The following KIAA1217 variants were observed in gnomAD, a reference collection of about 807,000 sequenced individuals.
KIAA1217 encodes the protein sickle tail protein homolog.
KIAA1217 carries 88 observed loss-of-function variants against 163.9 expected under a neutral mutation model. That is an observed-to-expected ratio of 0.54 (90% confidence interval 0.45 to 0.64). The LOEUF (loss-of-function observed/expected upper bound fraction) is 0.64, where lower values mean the gene tolerates loss of function less well. Among genes scored for constraint, KIAA1217 ranks in the 30% least tolerant of loss-of-function variants. KIAA1217 has a pLI of 0.00. For missense variants in KIAA1217, 2,372 were observed against 2,475.0 expected, an observed-to-expected ratio of 0.96 and a Z score of 0.88; for synonymous variants, 903 against 923.1, an observed-to-expected ratio of 0.98 and a Z score of 0.39.
At chr10:23,798,990 C>T (rs1024212033) in intron 1 of KIAA1217, among the ~76,000 whole-genome samples, 7 of 152,168 alleles carry the variant, frequency 4.6e-5, no homozygotes, top group Admixed American at 3.9e-4. Flanking sequence ...TCAGCAGGGC[C>T]GGTTCCCTCT....
intron 2 of KIAA1217, among the ~76,000 whole-genome samples, chr10:24,291,606 G>C (rs1050742919): frequency 6.6e-6 from 1 of 152,158 alleles, no homozygotes; most frequent in East Asian, 1.9e-4. Flanking sequence ...ACACTTGTAA[G>C]GCAGTCTGTG....
At chr10:24,246,572 G>A (rs2073829813) in intron 2 of KIAA1217, among the ~76,000 whole-genome samples, 1 of 152,236 alleles carries the variant, frequency 6.6e-6, no homozygotes, top group Admixed American at 6.5e-5. Flanking sequence ...TGACATGTGG[G>A]TAGGAACACA....
chr10:24,197,257 T>C (rs985724878), intron 2 of KIAA1217, among the ~76,000 whole-genome samples: 1 of 152,246 alleles, frequency 6.6e-6, no homozygotes, highest in Non-Finnish European at 1.5e-5. Context: ...CAACTATTTA[T>C]AATTCGGCAC....
chr10:24,415,949 C>T (rs1265657158), intron 3 of KIAA1217, among the ~76,000 whole-genome samples: 1 of 152,058 alleles, frequency 6.6e-6, no homozygotes, highest in East Asian at 1.9e-4. Context: ...GCAGGGAGAC[C>T]CAGGGAGGGG....
chr10:23,811,154 G>GTATACATGTATACTATACATATATAC (rs1274392469), intron 1 of KIAA1217, among the ~76,000 whole-genome samples: 1 of 137,240 alleles, frequency 7.3e-6, no homozygotes, highest in Non-Finnish European at 1.5e-5. Flanking sequence ...TATGTATATA[G>GTATACATGTATACTATACATATATAC]TATACATGTA....
At chr10:24,520,627 CAAAAAAA>C (rs71472812) in intron 11 of KIAA1217, among the ~76,000 whole-genome samples, 35 of 44,932 alleles carry the variant, frequency 7.8e-4, no homozygotes, top group African/African-American at 2.1e-3. Flanking sequence ...ACATCTCTAC[CAAAAAAA>C]AAAAAAAAAA....
intron 2 of KIAA1217, among the ~76,000 whole-genome samples, chr10:24,186,886 T>C (rs761156456): frequency 2.2e-4 from 34 of 152,004 alleles, no homozygotes; most frequent in Non-Finnish European, 3.5e-4. Context: ...TGAGACTCCG[T>C]CTAAAAAAAA....
chr10:23,851,927 G>A (rs1201289768), intron 1 of KIAA1217, among the ~76,000 whole-genome samples: 3 of 152,016 alleles, frequency 2.0e-5, no homozygotes, highest in South Asian at 4.1e-4. Context: ...TTTGTCAGAT[G>A]AGCAGGTTGT....
intron 2 of KIAA1217, among the ~76,000 whole-genome samples, chr10:24,160,436 A>G (rs2065069577): frequency 6.6e-6 from 1 of 152,164 alleles, no homozygotes; most frequent in East Asian, 1.9e-4. Flanking sequence ...TATAGTACAC[A>G]TCTTTTGTGA....
intron 1 of KIAA1217, among the ~76,000 whole-genome samples, chr10:23,731,712 T>G (rs983155590): frequency 6.6e-6 from 1 of 151,026 alleles, no homozygotes; most frequent in African/African-American, 2.5e-5. Context: ...TTTCTCACCA[T>G]TAAGTATAAG....
chr10:23,836,609 T>C (rs761398825), intron 1 of KIAA1217, among the ~76,000 whole-genome samples: 2 of 151,916 alleles, frequency 1.3e-5, no homozygotes, highest in Non-Finnish European at 2.9e-5. Context: ...TCTTGGTTTT[T>C]AGTGTATCCA....
At chr10:24,429,011 T>C (rs1396291714) in intron 3 of KIAA1217, among the ~76,000 whole-genome samples, 1 of 152,002 alleles carries the variant, frequency 6.6e-6, no homozygotes, top group Non-Finnish European at 1.5e-5. Flanking sequence ...GAGTAAGAAA[T>C]AGTATGGAGA....
At chr10:24,107,175 G>A (rs531055253) in intron 2 of KIAA1217, among the ~76,000 whole-genome samples, 1 of 152,280 alleles carries the variant, frequency 6.6e-6, no homozygotes, top group South Asian at 2.1e-4. Context: ...TTAGGATAAT[G>A]GCCTCTAGCT....
chr10:23,949,582 T>C (rs914915582), intron 1 of KIAA1217, among the ~76,000 whole-genome samples: 4 of 143,866 alleles, frequency 2.8e-5, no homozygotes, highest in African/African-American at 1.2e-4. Flanking sequence ...GACAGGAACA[T>C]TTTTTTCTTT....
intron 16 of KIAA1217, among the ~76,000 whole-genome samples, 160 bp downstream of exon 16, chr10:24,533,397 C>T (rs560872499): frequency 2.0e-5 from 3 of 152,308 alleles, no homozygotes; most frequent in South Asian, 2.1e-4. Flanking sequence ...CCCAAGATGG[C>T]GCTGAACAAG....
intron 2 of KIAA1217, among the ~76,000 whole-genome samples, chr10:24,059,440 T>G (rs1347143339): frequency 1.3e-5 from 2 of 152,190 alleles, no homozygotes; most frequent in African/African-American, 4.8e-5. Context: ...TGGAAGTGTT[T>G]GAGGGGGTTA....
At chr10:23,976,000 C>T (rs945557404) in intron 1 of KIAA1217, among the ~76,000 whole-genome samples, 1 of 152,254 alleles carries the variant, frequency 6.6e-6, no homozygotes, top group African/African-American at 2.4e-5. Context: ...GCACTCCTTG[C>T]CTGTCTTTCA....
In KIAA1217 at chr10:24,543,870, G is replaced by A. The variant is rs143359429; in HGVS notation, c.4600G>A (p.Gly1534Arg). ...HSLATETRNP[G>R]GQEMNRTELN... The stretch of plus-strand genomic sequence containing the variant: ...CCTGGCCACAGAGACCAGAAACCCA[G>A]GAGGACAGGAAATGAACAGAACGGA... The change falls in exon 19 of 21, where the codon GGA (glycine) becomes AGA (arginine). Residue 1534 changes from glycine to arginine, a missense_variant. By Grantham distance (125) the Gly-to-Arg change is moderately radical (BLOSUM62 -2). This residue lies in a region of KIAA1217 where 690 missense variants were observed against 677.5 expected (regional missense o/e 1.02). Transcript: ENST00000376454. The A allele has an allele frequency of 6.2e-7, 1 of 1,614,020 alleles. No homozygotes were observed. The highest frequency in any genetic ancestry group is 1.3e-5 in the African/African-American group (1 of 75,008).
rs181533216 is a variant in KIAA1217, at chr10:24,063,391, T to C, written c.-171+56017T>C. Among the ~76,000 whole-genome samples, 523 of 152,338 alleles carry C rather than the reference T, an allele frequency of 3.4e-3. 2 individuals carry two copies. The highest frequency in any genetic ancestry group is 0.012 in the African/African-American group (502 of 41,584). On this transcript the variant is annotated intron_variant, in intron 2 of 18. Transcript: ENST00000376462. Reference sequence around the variant, plus strand: ...AGTTTTCCCAACACCATTTATTAAATAGGGAATCCTTTCCCCATTTCTTCT... The same window carrying C: ...AGTTTTCCCAACACCATTTATTAAACAGGGAATCCTTTCCCCATTTCTTCT...
Sources: allele counts gnomAD v4.1 joint callset (sites outside exome capture counted in the v4.1 genomes callset), GRCh38; gene constraint gnomAD v4.1.1; regional missense constraint gnomAD v4.1.1; transcripts MANE v1.5; gene names NCBI Gene and HGNC (gene_info 2026-07-23, HGNC 2026-07-21).